GPM6B: variants seen among roughly 807,000 people sequenced by gnomAD.
GPM6B encodes the protein glycoprotein M6B.
In GPM6B, 4 loss-of-function variants were observed where a neutral mutation model predicts 27.2. That is an observed-to-expected ratio of 0.15 (90% CI 0.07 to 0.34). GPM6B has a LOEUF of 0.34. Among genes scored for constraint, GPM6B ranks in the 10% least tolerant of loss-of-function variants. The pLI is 1.00. For missense variants in GPM6B, 183 were observed against 261.9 expected, an observed-to-expected ratio of 0.70 and a Z score of 2.08; for synonymous variants, 124 against 103.1, an observed-to-expected ratio of 1.20 and a Z score of -1.23.
chrX:13,821,921 C>A (rs1365312737), upstream of GPM6B, among the ~76,000 whole-genome samples: 2 of 112,204 alleles, frequency 1.8e-5, no homozygotes, highest in Non-Finnish European at 3.8e-5. Flanking sequence ...GCTAATATGA[C>A]TATGACTGTT....
chrX:13,862,486 C>T (rs951571618), intron 1 of GPM6B, among the ~76,000 whole-genome samples: 1 of 111,522 alleles, frequency 9.0e-6, no homozygotes, highest in Non-Finnish European at 1.9e-5. Context: ...CCATGGCTTC[C>T]GCTTTAAATC....
At position 13,829,555 on chromosome X, in the gene GPM6B, T is replaced by A. The variant is rs144734260; in HGVS notation, c.-197-43747A>T. On this transcript the variant is annotated intron_variant, in intron 1 of 6. Coordinates refer to the GPM6B transcript ENST00000398361. ...TCTTTCCCTGACCCTGAAAAGTTCA[T>A]TTCTGTGCCCTTGCCTGGCCTGGAT... Among the ~76,000 whole-genome samples the A allele has an allele frequency of 7.0e-3, 777 of 111,406 alleles. 11 individuals carry two copies. The highest frequency in any genetic ancestry group is 0.023 in the African/African-American group (717 of 30,608).
intron 1 of GPM6B, among the ~76,000 whole-genome samples, chrX:13,914,450 G>A (rs1337904674): frequency 8.9e-6 from 1 of 112,791 alleles, no homozygotes; most frequent in Non-Finnish European, 1.9e-5. Context: ...CCTTTAAAGA[G>A]AAGGGCCTGA....
upstream of GPM6B, among the ~76,000 whole-genome samples, chrX:13,820,048 GGAACCAGGTAGGTTGA>G (rs904140614): frequency 1.8e-5 from 2 of 111,987 alleles, no homozygotes; most frequent in Non-Finnish European, 3.8e-5. Flanking sequence ...CAGTAGGTTG[GGAACCAGGTAGGTTGA>G]ACACCTTGCT....
chrX:13,865,073 T>G (rs2049894067), intron 1 of GPM6B, among the ~76,000 whole-genome samples: 1 of 111,719 alleles, frequency 9.0e-6, no homozygotes, highest in African/African-American at 3.3e-5. Context: ...GGACCACTGT[T>G]GACCACAGGT....
At chrX:13,846,349 T>G (rs761337517) in intron 1 of GPM6B, among the ~76,000 whole-genome samples, 1 of 110,668 alleles carries the variant, frequency 9.0e-6, no homozygotes, top group Non-Finnish European at 1.9e-5. Context: ...CAGACTTATT[T>G]CCAGTCCACT....
intron 1 of GPM6B, chrX:13,812,883 T>A (rs1295417043): frequency 9.3e-6 from 1 of 107,639 alleles, no homozygotes; most frequent in East Asian, 2.9e-4. Context: ...AATGGCTCGT[T>A]GAGATCTTTT....
intron 2 of GPM6B, 108 bp from the exon 3 acceptor site, chrX:13,785,916 C>A: frequency 1.7e-6 from 1 of 596,366 alleles, no homozygotes; most frequent in Non-Finnish European, 2.6e-6. Context: ...TCTCCCCTCT[C>A]AGGCTCTATG....
chrX:13,839,171 A>G (rs1195115968), intron 1 of GPM6B, among the ~76,000 whole-genome samples: 1 of 111,480 alleles, frequency 9.0e-6, no homozygotes, highest in Admixed American at 9.5e-5. Flanking sequence ...CCTTATCTTA[A>G]CTACTATCAT....
intron 1 of GPM6B, among the ~76,000 whole-genome samples, chrX:13,914,195 T>A (rs1198500984): frequency 8.9e-6 from 1 of 112,567 alleles, no homozygotes; most frequent in African/African-American, 3.2e-5. Context: ...CTGAGATTTT[T>A]AAAAAATCTG....
At chrX:13,785,450 A>T (rs1179969917) in intron 3 of GPM6B, among the ~76,000 whole-genome samples, 172 bp downstream of exon 3, 6 of 109,309 alleles carry the variant, frequency 5.5e-5, no homozygotes, top group Non-Finnish European at 1.9e-5. Context: ...GCCCAGCTAA[A>T]TTTTTTTTTG....
intron 7 of GPM6B, among the ~76,000 whole-genome samples, chrX:13,775,027 GT>G (rs1221945271): frequency 9.0e-6 from 1 of 111,695 alleles, no homozygotes; most frequent in African/African-American, 3.3e-5. Flanking sequence ...TTTAAAGGTG[GT>G]TTTTTTCATA....
chrX:13,794,478 C>T (rs1217774384), intron 2 of GPM6B, among the ~76,000 whole-genome samples: 1 of 111,832 alleles, frequency 8.9e-6, no homozygotes, highest in Non-Finnish European at 1.9e-5. Context: ...CCCTCAAAGA[C>T]GGTCTGTGCA....
intron 1 of GPM6B, among the ~76,000 whole-genome samples, chrX:13,847,899 A>G (rs1462656393): frequency 8.9e-6 from 1 of 112,317 alleles, no homozygotes; most frequent in Admixed American, 9.4e-5. Context: ...CAGTGTGGCT[A>G]GAGCCCAGAC....
chrX:13,806,164 T>C (rs1443961259), intron 2 of GPM6B, among the ~76,000 whole-genome samples: 2 of 111,810 alleles, frequency 1.8e-5, no homozygotes, highest in Admixed American at 9.5e-5. Context: ...TGTACCCATC[T>C]GTAGTTGCTC....
chrX:13,866,570 C>A (rs1434403480), intron 1 of GPM6B, among the ~76,000 whole-genome samples: 2 of 111,899 alleles, frequency 1.8e-5, no homozygotes, highest in African/African-American at 6.5e-5. Flanking sequence ...TTGATCATTA[C>A]ACAATGCATT....
At chrX:13,863,447 A>G (rs1019583756) in intron 1 of GPM6B, among the ~76,000 whole-genome samples, 2 of 111,659 alleles carry the variant, frequency 1.8e-5, no homozygotes, top group African/African-American at 3.3e-5. Context: ...AGTGAAAACT[A>G]TGCTTGAAGA....
intron 1 of GPM6B, among the ~76,000 whole-genome samples, chrX:13,830,546 T>C (rs927001342): frequency 1.8e-5 from 2 of 112,047 alleles, no homozygotes; most frequent in Admixed American, 1.9e-4. Flanking sequence ...ATCAAAACAA[T>C]TGAGTTAACT....
intron 1 of GPM6B, among the ~76,000 whole-genome samples, chrX:13,833,188 A>G (rs2049457215): frequency 8.9e-6 from 1 of 111,893 alleles, no homozygotes; most frequent in South Asian, 3.8e-4. Context: ...GCATTAACCC[A>G]TAATAACTTA....
Sources: gnomAD v4.1 joint callset for allele counts (sites outside exome capture counted in the v4.1 genomes callset) on GRCh38, gnomAD v4.1.1 for gene constraint, MANE v1.5 for transcripts, NCBI Gene and HGNC (gene_info 2026-07-23, HGNC 2026-07-21) for gene names.